NCOR2: variants seen among roughly 807,000 people sequenced by gnomAD.
The protein encoded by NCOR2 is nuclear receptor corepressor 2.
In NCOR2, 81 loss-of-function variants were observed where a neutral mutation model predicts 262.9. That is an observed-to-expected ratio of 0.31 (90% CI 0.26 to 0.37). NCOR2 has a LOEUF of 0.37. NCOR2 is among the 10% of genes least tolerant of loss of function. The probability of loss-of-function intolerance (pLI) is 1.00; values close to 1 mark genes in which losing one functional copy is unlikely to be tolerated. For synonymous variants in NCOR2, 1,659 were observed against 1,559.3 expected (o/e 1.06, Z -1.51); for missense variants, 3,385 against 3,621.4 (o/e 0.93, Z 1.68).
rs375629209 is a variant in NCOR2, at chr12:124,456,391, C to T, written c.762+715G>A. 7.2e-5 allele frequency among the ~76,000 whole-genome samples: 11 copies of T among 152,210 alleles called. No homozygotes were observed. The East Asian group carries it at 1.9e-3, about 27-fold the overall frequency. ...CTCTGGGGGCTAGGGCTTCTGCATC[C>T]ACCCATCCTCAGCCCAGGGACTCCA... is the stretch of plus-strand genomic sequence containing the variant. On this transcript the variant is annotated intron_variant, in intron 6 of 46. Coordinates refer to ENST00000405201, the Ensembl canonical transcript of NCOR2.
intron 10 of NCOR2, among the ~76,000 whole-genome samples, chr12:124,427,722 G>A (rs2043637041): frequency 2.6e-5 from 4 of 152,274 alleles, no homozygotes; most frequent in South Asian, 2.1e-4. Flanking sequence ...ACGGAACGGC[G>A]ACCTTCCTCG....
At chr12:124,550,436 T>C (rs375747167) in intron 1 of NCOR2, among the ~76,000 whole-genome samples, 1 of 152,136 alleles carries the variant, frequency 6.6e-6, no homozygotes, top group Non-Finnish European at 1.5e-5. Context: ...CTACTGGGTC[T>C]AGAGTGGGGG....
chr12:124,532,701 G>A (rs985304098), intron 1 of NCOR2, among the ~76,000 whole-genome samples: 4 of 152,198 alleles, frequency 2.6e-5, no homozygotes, highest in African/African-American at 4.8e-5. Context: ...CCATTAGGCC[G>A]GAGACGGAGA....
intron 18 of NCOR2, among the ~76,000 whole-genome samples, chr12:124,375,116 TA>T (rs2039885117): frequency 6.6e-6 from 1 of 152,218 alleles, no homozygotes; most frequent in Non-Finnish European, 1.5e-5. Flanking sequence ...GCAGACAGGT[TA>T]ATCAGCTTGC....
At chr12:124,555,045 C>T (rs966981642) in intron 1 of NCOR2, among the ~76,000 whole-genome samples, 2 of 152,224 alleles carry the variant, frequency 1.3e-5, no homozygotes, top group Admixed American at 6.5e-5. Context: ...GGGCCCTGCC[C>T]ATGACAGCTG....
intron 3 of NCOR2, among the ~76,000 whole-genome samples, chr12:124,477,146 T>A (rs941984573): frequency 6.6e-6 from 1 of 152,114 alleles, no homozygotes; most frequent in African/African-American, 2.4e-5. Flanking sequence ...CCAAATCTCA[T>A]CTTGAATTGT....
In NCOR2 at chr12:124,402,551, TGTTGCTGCTGCTGTC is replaced by T; in HGVS notation, c.1483-5_1492del. 6.4e-7 allele frequency: 1 copy of T among 1,567,212 alleles called. No homozygotes were observed. Among genetic ancestry groups the T allele is most frequent in the Non-Finnish European group, 8.6e-7 (1 of 1,156,260 alleles). ...CTGCTGCTGCTGCTGCTGCTGCTGT[TGTTGCTGCTGCTGTC>T]AGACCCCGGGGGAGGGCAGAGGGGA... is the stretch of plus-strand genomic sequence containing the variant. On this transcript the variant is annotated splice_acceptor_variant and splice_polypyrimidine_tract_variant and coding_sequence_variant and intron_variant, in exon 14 of 47. Coordinates refer to ENST00000405201, the Ensembl canonical transcript of NCOR2. LOFTEE classifies it high-confidence loss of function.
intron 13 of NCOR2, among the ~76,000 whole-genome samples, chr12:124,412,138 G>A (rs924268560): frequency 1.3e-5 from 2 of 152,260 alleles, no homozygotes; most frequent in African/African-American, 4.8e-5. Flanking sequence ...GAAGGCGGCC[G>A]CACACAGCGC....
At chr12:124,348,450 G>A (rs938524720) in intron 28 of NCOR2, 136 bp from the exon 31 acceptor site, 13 of 1,195,066 alleles carry the variant, frequency 1.1e-5, no homozygotes, top group East Asian at 8.0e-5. Context: ...CCTCACAGCC[G>A]AGGCCTCCAG....
At chr12:124,392,446 C>T (rs1000419292) in intron 16 of NCOR2, among the ~76,000 whole-genome samples, 4 of 152,140 alleles carry the variant, frequency 2.6e-5, no homozygotes, top group South Asian at 2.1e-4. Flanking sequence ...TCCTTGGACG[C>T]GAGCCCCGAG....
intron 4 of NCOR2, 146 bp from the exon 7 acceptor site, chr12:124,466,432 C>G: frequency 1.5e-6 from 1 of 662,672 alleles, no homozygotes; most frequent in Non-Finnish European, 2.5e-6. Flanking sequence ...CTGTGAGTCA[C>G]CCCAGGGACT....
At chr12:124,374,425 A>G (rs770507824) in exon 19 of NCOR2, 1 of 1,613,008 alleles carries the variant, frequency 6.2e-7, no homozygotes, top group Non-Finnish European at 8.5e-7. Flanking sequence ...GGGCCACTGC[A>G]TTCCCCTCTG....
At chr12:124,498,438 C>T (rs1213297708), upstream of NCOR2, among the ~76,000 whole-genome samples, 1 of 152,196 alleles carries the variant, frequency 6.6e-6, no homozygotes, top group Non-Finnish European at 1.5e-5. Context: ...CCCCACCAGC[C>T]CCCCACCCAG....
In NCOR2 at chr12:124,348,415, C is replaced by T. The variant is rs555355392; in HGVS notation, c.3845-101G>A. 76 of 1,428,260 alleles carry T rather than the reference C, an allele frequency of 5.3e-5. 1 individual carries two copies. The East Asian group carries it at 1.2e-3, about 23-fold the overall frequency. The allele number at this position is 1,428,260 out of a possible 1,614,324, so 88.5% of individuals were successfully genotyped here. On this transcript the variant is annotated intron_variant, in intron 28 of 46. Transcript: ENST00000405201. ...AGCCGGTAGGCAGGAGCCAGCAGTG[C>T]TTCCATGCTGGCCCCGTCACAAAGC...
At chr12:124,463,221 C>A (rs1330025983) in intron 5 of NCOR2, among the ~76,000 whole-genome samples, 1 of 152,242 alleles carries the variant, frequency 6.6e-6, no homozygotes, top group Admixed American at 6.5e-5. Flanking sequence ...AACCAACAGG[C>A]TCCTACCTCG....
chr12:124,481,484 G>A lies in NCOR2; in HGVS notation c.411+2112C>T, dbSNP rs1173327643. ...GCTAGCCACAGGTCTCCCCTGCCATGCAGGCCCTGGAGGGCAGCCAGGGCT... is the reference window on the plus strand; with the variant it reads ...GCTAGCCACAGGTCTCCCCTGCCATACAGGCCCTGGAGGGCAGCCAGGGCT... On this transcript the variant is annotated intron_variant, in intron 3 of 46. Transcript: ENST00000405201. This position sits in a 1 kb window ranked among gnomAD's most constrained non-coding sequence, Gnocchi z 4.6. Among the ~76,000 whole-genome samples, 2 of 152,310 alleles carry A rather than the reference G, an allele frequency of 1.3e-5. No homozygotes were observed. Among genetic ancestry groups the A allele is most frequent in the African/African-American group, 4.8e-5 (2 of 41,572 alleles).
intron 15 of NCOR2, 62 bp from the exon 18 acceptor site, chr12:124,398,243 C>T: frequency 1.9e-6 from 3 of 1,560,030 alleles, no homozygotes; most frequent in Non-Finnish European, 2.6e-6. Context: ...GCCTTCTGCC[C>T]TTTTCTCTCC....
chr12:124,473,053 G>A (rs1483248593), exon 4 of NCOR2: 3 of 1,614,026 alleles, frequency 1.9e-6, no homozygotes, highest in Non-Finnish European at 2.5e-6. Flanking sequence ...AGCCGTGGCG[G>A]CACCAGCTCC....
upstream of NCOR2, among the ~76,000 whole-genome samples, chr12:124,496,423 A>AC (rs1198089955): frequency 6.6e-6 from 1 of 150,934 alleles, no homozygotes. This position sits in a 1 kb window ranked among gnomAD's most constrained non-coding sequence, Gnocchi z 4.4. Context: ...AATTGCACAC[A>AC]CCCCCCAGAG....
Sources: gnomAD v4.1 joint callset for allele counts (sites outside exome capture counted in the v4.1 genomes callset) on GRCh38, gnomAD v4.1.1 for gene constraint, Gnocchi (gnomAD v3.1) non-coding constraint, MANE v1.5 for transcripts, NCBI Gene and HGNC (gene_info 2026-07-23, HGNC 2026-07-21) for gene names.